NRIP2: variants seen among roughly 807,000 people sequenced by gnomAD.
NRIP2 encodes nuclear receptor interacting protein 2, also known as nuclear receptor-interacting protein 2.
In NRIP2, 27 loss-of-function variants were observed where a neutral mutation model predicts 34.1. That is an observed-to-expected ratio of 0.79 (90% CI 0.58 to 1.09). The LOEUF (loss-of-function observed/expected upper bound fraction) is 1.09, where lower values mean the gene tolerates loss of function less well. NRIP2 is among the 50% of genes least tolerant of loss of function. The probability of loss-of-function intolerance (pLI) is 0.00; values close to 1 mark genes in which losing one functional copy is unlikely to be tolerated. For missense variants in NRIP2, 385 were observed against 352.6 expected (o/e 1.09, Z -0.74); for synonymous variants, 145 against 146.9 (o/e 0.99, Z 0.09).
At position 2,827,417 on chromosome 12, in the gene NRIP2, C is replaced by G. The variant is rs1005693440; in HGVS notation, c.754-118G>C. 1 of 1,521,534 alleles carries G rather than the reference C, an allele frequency of 6.6e-7. No homozygotes were observed. Among genetic ancestry groups the G allele is most frequent in the African/African-American group, 1.4e-5 (1 of 71,712 alleles). The allele number at this position is 1,521,534 out of a possible 1,614,324, so 94.3% of individuals were successfully genotyped here. A position where few individuals can be genotyped will look rare whatever the true frequency, so the allele number is the denominator to read the frequency against. ...TTCCACCTGCCTTTTGCTCTTCCCC[C>G]ATCCCCATTTCCCTAGACTCCTGTT... On this transcript the variant is annotated intron_variant, in intron 5 of 5. Coordinates refer to ENST00000337508, the MANE Select transcript of NRIP2 (RefSeq NM_031474.3). The surrounding 1 kb of genome is among the most constrained non-coding windows in gnomAD (Gnocchi z 4.0).
chr12:2,828,267 G>T, intron 3 of NRIP2, 65 bp downstream of exon 3: 2 of 1,404,236 alleles, frequency 1.4e-6, no homozygotes, highest in Non-Finnish European at 2.0e-6. Flanking sequence ...TCTAATTTGA[G>T]AATATTTTCA....
intron 2 of NRIP2, among the ~76,000 whole-genome samples, chr12:2,828,921 A>G (rs2097985040): frequency 6.6e-6 from 1 of 152,122 alleles, no homozygotes; most frequent in Non-Finnish European, 1.5e-5. Flanking sequence ...CAAAAAAGGA[A>G]GTGGACCAGG....
chr12:2,830,113 A>G (rs2097993956), intron 2 of NRIP2: 1 of 152,088 alleles, frequency 6.6e-6, no homozygotes, highest in Non-Finnish European at 1.5e-5. Context: ...GGACGTGAGT[A>G]ACATGCCTTA....
rs1348390446 is a variant in NRIP2, at chr12:2,829,892, ACCT to A, written c.495+813_495+815del. 3.9e-5 allele frequency among the ~76,000 whole-genome samples: 6 copies of A among 152,204 alleles called. No individual in the cohort carries two copies. The East Asian group carries it at 9.7e-4, about 25-fold the overall frequency. On this transcript the variant is annotated intron_variant, in intron 2 of 5. Coordinates refer to ENST00000337508, the MANE Select transcript of NRIP2 (RefSeq NM_031474.3). ...CAGGAGTTTGAGACCAGCCTGACCA[ACCT>A]GGAGAAACCCCATCTCTACTAAAAA...
chr12:2,834,989 A>G lies in NRIP2; in HGVS notation c.-6T>C. ...AGAGGAAAAATAAATAACATGCAGGAGCAGCCGCGTCAGTCTCCAATTTCC... is the reference window on the plus strand; with the variant it reads ...AGAGGAAAAATAAATAACATGCAGGGGCAGCCGCGTCAGTCTCCAATTTCC... On this transcript the variant is annotated 5_prime_UTR_variant, in exon 1 of 6. Transcript: ENST00000337508. 1 of 1,553,858 alleles carries G rather than the reference A, an allele frequency of 6.4e-7. No homozygotes were observed. The highest frequency in any genetic ancestry group is 1.9e-5 in the Admixed American group (1 of 52,102).
rs142508945 is a variant in NRIP2 at position 2,834,736 on chromosome 12, C to T, written c.248G>A (p.Arg83His). The change falls in exon 1 of 6, where the codon CGC (arginine) becomes CAC (histidine). Residue 83 changes from arginine (R) to histidine (H), a missense_variant. By Grantham distance (29) the Arg-to-His change is conservative (BLOSUM62 0). Coordinates refer to ENST00000337508, the MANE Select transcript of NRIP2 (RefSeq NM_031474.3). ...LRDRAHLSQQ[R>H]RLKQATQFLH... ...GAACTGGGTGGCCTGTTTGAGCCGGCGCTGCTGGCTCAGGTGGGCTCGGTC... is the reference window on the plus strand; with the variant it reads ...GAACTGGGTGGCCTGTTTGAGCCGGTGCTGCTGGCTCAGGTGGGCTCGGTC... 273 of 1,614,014 alleles carry T rather than the reference C, an allele frequency of 1.7e-4. 1 individual carries two copies. In the African/African-American group the frequency reaches 2.5e-3, roughly 15 times the overall value.
At position 2,827,901 on chromosome 12, in the gene NRIP2, G is replaced by A. The variant is rs753758608; in HGVS notation, c.700+25C>T. On this transcript the variant is annotated intron_variant, in intron 4 of 5. Transcript: ENST00000337508. This position sits in a 1 kb window ranked among gnomAD's most constrained non-coding sequence, Gnocchi z 4.0. ...AAGAGAAAGGTGAGGTGAGCACCAG[G>A]GCTGTTGCAGAAGGGGGGACTTACC... 9.4e-5 allele frequency: 152 copies of A among 1,613,504 alleles called. No homozygotes were observed. Among genetic ancestry groups the A allele is most frequent in the Non-Finnish European group, 1.3e-4 (148 of 1,180,020 alleles).
In NRIP2 at chr12:2,827,817, C is replaced by A; in HGVS notation, c.700+109G>T. On this transcript the variant is annotated intron_variant, in intron 4 of 5. Coordinates refer to ENST00000337508, the MANE Select transcript of NRIP2 (RefSeq NM_031474.3). The surrounding 1 kb of genome is among the most constrained non-coding windows in gnomAD (Gnocchi z 4.0). ...GCACAGAGATGGGGGATAGTCAGAA[C>A]ATCTCTGGGAACTCCTCGTGCTGCA... The A allele has an allele frequency of 1.2e-6, 2 of 1,603,150 alleles. No individual in the cohort carries two copies. Among genetic ancestry groups the A allele is most frequent in the South Asian group, 1.1e-5 (1 of 89,492 alleles).
Position 2,834,684 on chromosome 12 carries a change from G to T in NRIP2, c.300C>A (p.Leu100=). 6.2e-7 allele frequency: 1 copy of T among 1,612,918 alleles called. No individual in the cohort carries two copies. The highest frequency in any genetic ancestry group is 8.5e-7 in the Non-Finnish European group (1 of 1,179,388). Reference sequence around the variant, plus strand: ...CGAGCCTCTTGAGGCTGTCCAGCGGGAGCAGGTCGGCCGAGTCCTTGTGCA... The same window carrying T: ...CGAGCCTCTTGAGGCTGTCCAGCGGTAGCAGGTCGGCCGAGTCCTTGTGCA... ...QFLHKDSADL[L]PLDSLKRLGT... The change falls in exon 1 of 6, where the codon CTC becomes CTA. Residue 100 remains leucine (L), a synonymous_variant. Coordinates refer to ENST00000337508, the MANE Select transcript of NRIP2 (RefSeq NM_031474.3).
intron 3 of NRIP2, 58 bp from the exon 4 acceptor site, chr12:2,828,105 T>A (rs1219277125): frequency 8.9e-5 from 131 of 1,478,606 alleles, no homozygotes; most frequent in Non-Finnish European, 1.2e-4. Flanking sequence ...TCCACCCCAT[T>A]AATCAGCAGG....
At chr12:2,833,029 G>T (rs1356552698) in intron 1 of NRIP2, among the ~76,000 whole-genome samples, 1 of 151,908 alleles carries the variant, frequency 6.6e-6, no homozygotes, top group Admixed American at 6.6e-5. Context: ...CTGTTGTGCA[G>T]TTTGCTCCTC....
In NRIP2 at chr12:2,827,472, T is replaced by C. The variant is rs542999879; in HGVS notation, c.753+153A>G. 1.0e-6 allele frequency: 1 copy of C among 985,448 alleles called. No individual in the cohort carries two copies. Among genetic ancestry groups the C allele is most frequent in the South Asian group, 4.7e-5 (1 of 21,288 alleles). 61.0% of individuals were successfully genotyped at this position (985,448 alleles called of 1,614,324 possible). A position where few individuals can be genotyped will look rare whatever the true frequency, so the allele number is the denominator to read the frequency against. ...GGGGTGACCCAGTTCTCTTGATTTT[T>C]CACTTGGTGGTAAGTAAGGAACCTC... On this transcript the variant is annotated intron_variant, in intron 5 of 5. Transcript: ENST00000337508. This position sits in a 1 kb window ranked among gnomAD's most constrained non-coding sequence, Gnocchi z 4.0.
intron 1 of NRIP2, 92 bp from the exon 2 acceptor site, chr12:2,830,952 C>A: frequency 7.4e-7 from 1 of 1,359,772 alleles, no homozygotes. Context: ...CAGGATGCTC[C>A]CCCCACCCCC....
At position 2,827,730 on chromosome 12, in the gene NRIP2, C is replaced by G; in HGVS notation, c.701-53G>C. ...GGCTGAGGGTTCCCAGTGGTCACTG[C>G]TGCCCTCCTCTTAGCCGTTGCTCCT... On this transcript the variant is annotated intron_variant, in intron 4 of 5. Coordinates refer to ENST00000337508, the MANE Select transcript of NRIP2 (RefSeq NM_031474.3). This position sits in a 1 kb window ranked among gnomAD's most constrained non-coding sequence, Gnocchi z 4.0. 6.2e-7 allele frequency: 1 copy of G among 1,612,802 alleles called. No individual in the cohort carries two copies. Among genetic ancestry groups the G allele is most frequent in the Non-Finnish European group, 8.5e-7 (1 of 1,179,822 alleles).
At chr12:2,833,013 C>T (rs1199848917) in intron 1 of NRIP2, among the ~76,000 whole-genome samples, 1 of 151,926 alleles carries the variant, frequency 6.6e-6, no homozygotes, top group Non-Finnish European at 1.5e-5. Flanking sequence ...CTTCAGGCCC[C>T]TCCCGCTGTT....
rs1466236192 is a variant in NRIP2 at position 2,827,727 on chromosome 12, C to T, written c.701-50G>A. 1.9e-6 allele frequency: 3 copies of T among 1,612,966 alleles called. No individual in the cohort carries two copies. Among genetic ancestry groups the T allele is most frequent in the Non-Finnish European group, 2.5e-6 (3 of 1,179,878 alleles). ...AGAGGCTGAGGGTTCCCAGTGGTCA[C>T]TGCTGCCCTCCTCTTAGCCGTTGCT... On this transcript the variant is annotated intron_variant, in intron 4 of 5. Coordinates refer to ENST00000337508, the MANE Select transcript of NRIP2 (RefSeq NM_031474.3). This position sits in a 1 kb window ranked among gnomAD's most constrained non-coding sequence, Gnocchi z 4.0.
Position 2,827,241 on chromosome 12 carries a change from G to T in NRIP2, c.812C>A (p.Pro271His), listed in dbSNP as rs1439832759. 1 of 1,614,130 alleles carries T rather than the reference G, an allele frequency of 6.2e-7. No individual in the cohort carries two copies. Among genetic ancestry groups the T allele is most frequent in the Non-Finnish European group, 8.5e-7 (1 of 1,180,022 alleles). ...LRLKAPFSEL[P>H]FLPLYQEPGQ The stretch of plus-strand genomic sequence containing the variant: ...AGGCTCTTGGTACAAAGGCAGGAAG[G>T]GTAGCTCTGAGAACGGGGCTTTCAG... The change falls in exon 6 of 6, where the codon CCC becomes CAC. Residue 271 changes from proline (P) to histidine (H), a missense_variant. By Grantham distance (77) the Pro-to-His change is moderately conservative. Coordinates refer to ENST00000337508, the MANE Select transcript of NRIP2 (RefSeq NM_031474.3). The surrounding 1 kb of genome is among the most constrained non-coding windows in gnomAD (Gnocchi z 4.0).
chr12:2,831,242 A>G (rs1214024003), intron 1 of NRIP2, among the ~76,000 whole-genome samples: 9 of 151,254 alleles, frequency 6.0e-5, no homozygotes, highest in South Asian at 2.1e-4. Context: ...TCATCCTTCA[A>G]TGGGCTTCAG....
In NRIP2 at chr12:2,828,158, C is replaced by A. The variant is rs146801012; in HGVS notation, c.579-111G>T. The stretch of plus-strand genomic sequence containing the variant: ...GTTTCATCTCCAACCCCTGACCTCA[C>A]GTGGGGTCTAAATCCTTGCCTTCTC... On this transcript the variant is annotated intron_variant, in intron 3 of 5. Transcript: ENST00000337508. 622 of 1,203,488 alleles carry A rather than the reference C, an allele frequency of 5.2e-4. 1 individual carries two copies. In the African/African-American group the frequency reaches 7.0e-3, roughly 14 times the overall value. 74.6% of individuals were successfully genotyped at this position (1,203,488 alleles called of 1,614,324 possible). A position where few individuals can be genotyped will look rare whatever the true frequency, so the allele number is the denominator to read the frequency against.
Sources: gnomAD v4.1 joint callset for allele counts (sites outside exome capture counted in the v4.1 genomes callset) on GRCh38, gnomAD v4.1.1 for gene constraint, Gnocchi (gnomAD v3.1) non-coding constraint, MANE v1.5 for transcripts, NCBI Gene and HGNC (gene_info 2026-07-23, HGNC 2026-07-21) for gene names.